EPHA10: variants seen among roughly 807,000 people sequenced by gnomAD.
EPHA10 encodes the protein EPH receptor A10.
A neutral mutation model predicts 109.7 loss-of-function variants in EPHA10; 120 were observed. The observed-to-expected ratio is 1.09, with a 90% CI of 0.94 to 1.27. The LOEUF (loss-of-function observed/expected upper bound fraction) is 1.27, where lower values mean the gene tolerates loss of function less well. Ranked by LOEUF, EPHA10 falls within the 50% of genes most tolerant of loss-of-function variation. EPHA10 has a pLI of 0.00. For missense variants in EPHA10, 1,396 were observed against 1,411.1 expected, an observed-to-expected ratio of 0.99 and a Z score of 0.17; for synonymous variants, 640 against 618.9, an observed-to-expected ratio of 1.03 and a Z score of -0.51.
chr1:37,728,051 A>G (rs1019221143), intron 7 of EPHA10, among the ~76,000 whole-genome samples: 4 of 152,216 alleles, frequency 2.6e-5, no homozygotes. Context: ...GCAGAGGCAC[A>G]ATAATTTCTT....
At chr1:37,745,393 G>A (rs1325833122) in intron 5 of EPHA10, among the ~76,000 whole-genome samples, 1 of 152,250 alleles carries the variant, frequency 6.6e-6, no homozygotes, top group African/African-American at 2.4e-5. Context: ...AAGTATTGGT[G>A]AGGAGGCAGA....
At position 37,719,438 on chromosome 1, in the gene EPHA10, T is replaced by A. The variant is rs370268519; in HGVS notation, c.2732A>T (p.Lys911Met). ...CCTGGGACAGGTAGTCAGGGCACAC[T>A]TGGGGGGCTCTGGGTCCTGCACCAT... The part of the protein sequence containing the change: ...SKMVQDPEPP[K>M]CALTTCPRPP... Residue 911 changes from lysine to methionine, a missense_variant, in exon 15 of 17, where the codon AAG becomes ATG. Coordinates refer to ENST00000373048, the MANE Select transcript of EPHA10 (RefSeq NM_001099439.2). The A allele has an allele frequency of 6.2e-7, 1 of 1,613,350 alleles. No individual in the cohort carries two copies. The highest frequency in any genetic ancestry group is 1.3e-5 in the African/African-American group (1 of 74,912).
chr1:37,764,896 C>A lies in EPHA10; in HGVS notation c.106+65G>T, dbSNP rs1355083395. On this transcript the variant is annotated intron_variant, in intron 1 of 16. Transcript: ENST00000373048. The surrounding 1 kb of genome is among the most constrained non-coding windows in gnomAD (Gnocchi z 5.8). ...CTCCAATGACTCCTTCCCCCAGAAC[C>A]CCCATCGCCAGCCCCCTATCTTTTG... The A allele has an allele frequency of 1.5e-5, 22 of 1,436,176 alleles. No homozygotes were observed. Among genetic ancestry groups the A allele is most frequent in the Non-Finnish European group, 2.0e-5 (21 of 1,050,500 alleles). 89.0% of individuals were successfully genotyped at this position (1,436,176 alleles called of 1,614,324 possible). A position where few individuals can be genotyped will look rare whatever the true frequency, so the allele number is the denominator to read the frequency against.
At chr1:37,726,210 C>A (rs1003060126) in intron 8 of EPHA10, among the ~76,000 whole-genome samples, 3 of 152,216 alleles carry the variant, frequency 2.0e-5, no homozygotes, top group African/African-American at 7.2e-5. Context: ...TCCAACGGGT[C>A]CAGCACATGG....
intron 4 of EPHA10, among the ~76,000 whole-genome samples, chr1:37,753,998 C>T (rs1157801642): frequency 6.6e-6 from 1 of 152,070 alleles, no homozygotes; most frequent in Non-Finnish European, 1.5e-5. Context: ...TCTGGACTCT[C>T]GCAGTTGTCC....
chr1:37,719,299 T>G lies in EPHA10; in HGVS notation c.2756+115A>C, dbSNP rs181093708. ...GCTACAGCCCTCTGGGGCAATGGGG[T>G]GAACAATTGCTCTTGGACAGGTGGG... On this transcript the variant is annotated intron_variant, in intron 15 of 16. Coordinates refer to ENST00000373048, the MANE Select transcript of EPHA10 (RefSeq NM_001099439.2). 220 of 1,235,162 alleles carry G rather than the reference T, an allele frequency of 1.8e-4. 1 individual carries two copies. The African/African-American group carries it at 3.0e-3, about 17-fold the overall frequency. The allele number at this position is 1,235,162 out of a possible 1,614,324, so 76.5% of individuals were successfully genotyped here. A position where few individuals can be genotyped will look rare whatever the true frequency, so the allele number is the denominator to read the frequency against.
intron 5 of EPHA10, among the ~76,000 whole-genome samples, chr1:37,742,698 AG>A (rs1646172411): frequency 5.8e-5 from 4 of 68,574 alleles, no homozygotes; most frequent in African/African-American, 8.9e-5. Flanking sequence ...AGTTAAAGTC[AG>A]TTAGGGCCCA....
In EPHA10 at chr1:37,723,115, A is replaced by G. The variant is rs17511304; in HGVS notation, c.1886T>C (p.Leu629Pro). 133,770 of 1,613,954 alleles carry G rather than the reference A, an allele frequency of 0.083. 6,178 individuals carry two copies. Among genetic ancestry groups the G allele is most frequent in the Middle Eastern group, 0.1 (621 of 6,062 alleles). ...GGCGAACAGATGCACAGCCTGCAGC[A>G]GGTCCCCACAGCTCTGGGGGTCCAG... ...TFLDPQSCGD[L>P]LQAVHLFAKE... The change falls in exon 10 of 17, where the codon CTG (leucine) becomes CCG (proline). Residue 629 changes from leucine (L) to proline (P), a missense_variant. Coordinates refer to ENST00000373048, the MANE Select transcript of EPHA10 (RefSeq NM_001099439.2).
At position 37,762,103 on chromosome 1, in the gene EPHA10, G is replaced by A; in HGVS notation, c.172-20C>T. On this transcript the variant is annotated intron_variant, in intron 2 of 16. Transcript: ENST00000373048. Reference sequence around the variant, plus strand: ...CTCCCACTGGGGACAAGAGTAAAGGGGTGGGCAGCCCAGAGCCAAAGTGCT... The same window carrying A: ...CTCCCACTGGGGACAAGAGTAAAGGAGTGGGCAGCCCAGAGCCAAAGTGCT... 6.4e-7 allele frequency: 1 copy of A among 1,554,620 alleles called. No individual in the cohort carries two copies. The highest frequency in any genetic ancestry group is 8.7e-7 in the Non-Finnish European group (1 of 1,148,990).
intron 5 of EPHA10, among the ~76,000 whole-genome samples, chr1:37,745,159 A>C (rs1250654969): frequency 6.6e-6 from 1 of 152,222 alleles, no homozygotes; most frequent in East Asian, 1.9e-4. Flanking sequence ...TAGGCCAGCC[A>C]GTTTTTTGGC....
At chr1:37,735,533 T>G in intron 5 of EPHA10, 143 bp from the exon 6 acceptor site, 1 of 989,718 alleles carries the variant, frequency 1.0e-6, no homozygotes, top group Admixed American at 2.8e-5. Context: ...TGGGCGGGGC[T>G]AGGGAACTGA....
At position 37,761,484 on chromosome 1, in the gene EPHA10, G is replaced by A. The variant is rs140939937; in HGVS notation, c.771C>T (p.Gly257=). 6.8e-5 allele frequency: 109 copies of A among 1,600,552 alleles called. No individual in the cohort carries two copies. In the African/African-American group the frequency reaches 1.3e-3, roughly 20 times the overall value. ...EPGSPPRMHC[G]ADGEWLVPVG... is the part of the protein sequence containing the mutation. ...CAGGCACCAGCCACTCGCCGTCGGC[G>A]CCGCAGTGCATGCGTGGGGGGCTGC... The change falls in exon 3 of 17, where the codon GGC becomes GGT. Residue 257 remains glycine (G), a synonymous_variant. Coordinates refer to ENST00000373048, the MANE Select transcript of EPHA10 (RefSeq NM_001099439.2).
chr1:37,754,963 A>G lies in EPHA10; in HGVS notation c.851-593T>C, dbSNP rs189035772. ...CAAGTGTGCACCACCATGCCCAGTT[A>G]CTTTTTTTGTATTTTTAGTAGAGAT... is the stretch of plus-strand genomic sequence containing the variant. On this transcript the variant is annotated intron_variant, in intron 3 of 16. Coordinates refer to ENST00000373048, the MANE Select transcript of EPHA10 (RefSeq NM_001099439.2). This position sits in a 1 kb window ranked among gnomAD's most constrained non-coding sequence, Gnocchi z 4.5. 2.0e-5 allele frequency among the ~76,000 whole-genome samples: 3 copies of G among 151,988 alleles called. No individual in the cohort carries two copies. The East Asian group carries it at 5.8e-4, about 29-fold the overall frequency.
chr1:37,721,592 T>C (rs533678298), intron 11 of EPHA10, 68 bp downstream of exon 11: 2 of 1,486,692 alleles, frequency 1.3e-6, no homozygotes, highest in African/African-American at 1.4e-5. Context: ...CACTCCAAAC[T>C]CCCACACCAT....
chr1:37,722,986 A>C, intron 10 of EPHA10, 55 bp downstream of exon 10: 1 of 1,613,062 alleles, frequency 6.2e-7, no homozygotes, highest in East Asian at 2.2e-5. Context: ...GGCGGGGCCT[A>C]TAGAGTGGGT....
At chr1:37,721,427 C>CAA (rs71053991) in intron 11 of EPHA10, among the ~76,000 whole-genome samples, 3 of 94,242 alleles carry the variant, frequency 3.2e-5, no homozygotes, top group East Asian at 6.3e-4. Flanking sequence ...GACTCCATCT[C>CAA]AAAAAAAAAA....
rs777120944 is a variant in EPHA10, at chr1:37,716,808, C to T, written c.*1564G>A. 5.6e-5 allele frequency: 13 copies of T among 232,870 alleles called. No homozygotes were observed. Among genetic ancestry groups the T allele is most frequent in the Non-Finnish European group, 8.5e-5 (10 of 117,880 alleles). 14.4% of individuals were successfully genotyped at this position (232,870 alleles called of 1,614,324 possible). A position where few individuals can be genotyped will look rare whatever the true frequency, so the allele number is the denominator to read the frequency against. ...CCTTTCCCACCTGCAAGGCCCTGTTCAACTTACATCTCAACTTCACACATT... is the reference window on the plus strand; with the variant it reads ...CCTTTCCCACCTGCAAGGCCCTGTTTAACTTACATCTCAACTTCACACATT... On this transcript the variant is annotated 3_prime_UTR_variant, in exon 17 of 17. Coordinates refer to ENST00000373048, the MANE Select transcript of EPHA10 (RefSeq NM_001099439.2).
rs1235713486 is a variant in EPHA10, at chr1:37,764,113, C to A, written c.106+848G>T. Reference sequence around the variant, plus strand: ...ACACCCCGGAGTCTTGGGAGATTACCCTCTGGAGCTTAAACCAGGGGGTGG... The same window carrying A: ...ACACCCCGGAGTCTTGGGAGATTACACTCTGGAGCTTAAACCAGGGGGTGG... On this transcript the variant is annotated intron_variant, in intron 1 of 16. Coordinates refer to ENST00000373048, the MANE Select transcript of EPHA10 (RefSeq NM_001099439.2). The surrounding 1 kb of genome is among the most constrained non-coding windows in gnomAD (Gnocchi z 5.8). 6.6e-6 allele frequency among the ~76,000 whole-genome samples: 1 copy of A among 152,204 alleles called. No homozygotes were observed. The highest frequency in any genetic ancestry group is 1.5e-5 in the Non-Finnish European group (1 of 68,038).
chr1:37,728,759 G>A (rs865791288), intron 7 of EPHA10, among the ~76,000 whole-genome samples: 1 of 152,156 alleles, frequency 6.6e-6, no homozygotes, highest in Non-Finnish European at 1.5e-5. Flanking sequence ...ACGAGAGTTA[G>A]AAGCCAAAAA....
Sources: allele counts gnomAD v4.1 joint callset (sites outside exome capture counted in the v4.1 genomes callset), GRCh38; gene constraint gnomAD v4.1.1; non-coding constraint Gnocchi (gnomAD v3.1); transcripts MANE v1.5; gene names NCBI Gene and HGNC (gene_info 2026-07-23, HGNC 2026-07-21).